The following SDC2 variants were observed in gnomAD, a reference collection of about 807,000 sequenced individuals.
SDC2 encodes the protein syndecan 2, also known as syndecan-2.
In SDC2, 13 loss-of-function variants were observed where a neutral mutation model predicts 22.2. That is an observed-to-expected ratio of 0.59 (90% confidence interval 0.38 to 0.93). SDC2 has a LOEUF of 0.93. Among genes scored for constraint, SDC2 ranks in the 40% least tolerant of loss-of-function variants. SDC2 has a pLI of 0.00. For missense variants in SDC2, 235 were observed against 246.8 expected, an observed-to-expected ratio of 0.95 and a Z score of 0.32; for synonymous variants, 94 against 92.8, an observed-to-expected ratio of 1.01 and a Z score of -0.07.
At chr8:96,497,781 G>A (rs1357786439) in intron 1 of SDC2, among the ~76,000 whole-genome samples, 1 of 152,184 alleles carries the variant, frequency 6.6e-6, no homozygotes, top group Non-Finnish European at 1.5e-5. Flanking sequence ...CATACCTGCT[G>A]GTGGGGATCC....
In SDC2 at chr8:96,608,351, A is replaced by G. The variant is rs150345503; in HGVS notation, c.323A>G (p.Asp108Gly). ...CCATACCAGTCACCTGAAGAAACTG[A>G]TAAAGAGAAAGTTCACCTCTCTGAC... ...PAQTKSPEET[D>G]KEKVHLSDSE... The change falls in exon 4 of 5, where the codon GAT becomes GGT. Residue 108 changes from aspartate to glycine, a missense_variant. Coordinates refer to ENST00000302190, the MANE Select transcript of SDC2 (RefSeq NM_002998.4). 1.1e-4 allele frequency: 170 copies of G among 1,613,362 alleles called. 1 individual carries two copies. The African/African-American group carries it at 1.8e-3, about 17-fold the overall frequency.
intron 1 of SDC2, among the ~76,000 whole-genome samples, chr8:96,519,756 C>T (rs1813465781): frequency 6.6e-6 from 1 of 152,032 alleles, no homozygotes; most frequent in Admixed American, 6.6e-5. Context: ...GTGCCTCAAC[C>T]TCCTGTAGCT....
At chr8:96,592,460 G>A (rs1052724784) in intron 1 of SDC2, among the ~76,000 whole-genome samples, 3 of 152,160 alleles carry the variant, frequency 2.0e-5, no homozygotes, top group Non-Finnish European at 4.4e-5. Flanking sequence ...AATGAGTGTT[G>A]CCTGTTTCCA....
intron 1 of SDC2, among the ~76,000 whole-genome samples, chr8:96,579,596 G>T (rs1814558130): frequency 6.6e-6 from 1 of 152,188 alleles, no homozygotes; most frequent in Non-Finnish European, 1.5e-5. Context: ...AGAGAAAATA[G>T]TATATTATCT....
chr8:96,571,786 G>A (rs1814399467), intron 1 of SDC2, among the ~76,000 whole-genome samples: 1 of 152,174 alleles, frequency 6.6e-6, no homozygotes, highest in Non-Finnish European at 1.5e-5. Flanking sequence ...ACAGTACCTT[G>A]AACATTTTCT....
chr8:96,569,969 C>A (rs181678557), intron 1 of SDC2, among the ~76,000 whole-genome samples: 1 of 152,324 alleles, frequency 6.6e-6, no homozygotes, highest in Non-Finnish European at 1.5e-5. Context: ...TCGCTTGAAG[C>A]AGTCCAGAGT....
chr8:96,541,990 C>G (rs994301796), intron 1 of SDC2, among the ~76,000 whole-genome samples: 1 of 152,190 alleles, frequency 6.6e-6, no homozygotes, highest in African/African-American at 2.4e-5. Flanking sequence ...GCATGTGATG[C>G]TGCTGGAATA....
chr8:96,599,040 C>G (rs1316672102), intron 2 of SDC2, among the ~76,000 whole-genome samples: 1 of 148,678 alleles, frequency 6.7e-6, no homozygotes, highest in African/African-American at 2.5e-5. Context: ...CTCCCAGGTT[C>G]AAGTGATTCT....
intron 1 of SDC2, chr8:96,584,832 G>C (rs1166731736): frequency 6.6e-6 from 1 of 152,222 alleles, no homozygotes; most frequent in African/African-American, 2.4e-5. Flanking sequence ...TGTAAGTCAT[G>C]AACATTTTCC....
At chr8:96,530,285 T>C (rs1370212609) in intron 1 of SDC2, among the ~76,000 whole-genome samples, 1 of 152,224 alleles carries the variant, frequency 6.6e-6, no homozygotes, top group Non-Finnish European at 1.5e-5. Flanking sequence ...TATGTTAATA[T>C]GCCATAACAT....
At chr8:96,510,126 A>C (rs1586271516) in intron 1 of SDC2, among the ~76,000 whole-genome samples, 1 of 152,348 alleles carries the variant, frequency 6.6e-6, no homozygotes, top group South Asian at 2.1e-4. Flanking sequence ...ATGTTTGGCC[A>C]GCTTATTAGA....
chr8:96,547,408 A>G (rs925901947), intron 1 of SDC2, among the ~76,000 whole-genome samples: 1 of 152,196 alleles, frequency 6.6e-6, no homozygotes, highest in African/African-American at 2.4e-5. Context: ...AAGCTCACCC[A>G]TAAACTTGGG....
chr8:96,540,779 A>C (rs1813835829), intron 1 of SDC2, among the ~76,000 whole-genome samples: 1 of 152,210 alleles, frequency 6.6e-6, no homozygotes, highest in Non-Finnish European at 1.5e-5. Context: ...AGGTTTTACC[A>C]CAGCGTTGAA....
At chr8:96,530,925 A>G (rs1322768945) in intron 1 of SDC2, among the ~76,000 whole-genome samples, 2 of 152,172 alleles carry the variant, frequency 1.3e-5, no homozygotes, top group African/African-American at 4.8e-5. Flanking sequence ...GTGTTTCCCA[A>G]CCATTTTCAC....
At chr8:96,557,810 A>G (rs1208505735) in intron 1 of SDC2, among the ~76,000 whole-genome samples, 1 of 152,190 alleles carries the variant, frequency 6.6e-6, no homozygotes, top group Non-Finnish European at 1.5e-5. Context: ...CTTCTTGCTG[A>G]ACAGTATTTT....
chr8:96,532,954 T>A (rs927615246), intron 1 of SDC2, among the ~76,000 whole-genome samples: 2 of 152,296 alleles, frequency 1.3e-5, no homozygotes, highest in East Asian at 3.9e-4. Flanking sequence ...AATTGGTGGG[T>A]TCTTGGTCTC....
intron 2 of SDC2, among the ~76,000 whole-genome samples, chr8:96,600,471 A>G (rs1403632310): frequency 6.6e-6 from 1 of 152,224 alleles, no homozygotes; most frequent in African/African-American, 2.4e-5. Flanking sequence ...GTAGAAAGTC[A>G]CTTGTTGAAC....
intron 1 of SDC2, among the ~76,000 whole-genome samples, chr8:96,591,972 A>T (rs1237991990): frequency 6.6e-6 from 1 of 152,156 alleles, no homozygotes; most frequent in Non-Finnish European, 1.5e-5. Context: ...TGGGAATTAC[A>T]ATCTGGAATG....
intron 2 of SDC2, 116 bp from the exon 3 acceptor site, chr8:96,602,279 C>A (rs1815000867): frequency 2.8e-6 from 3 of 1,074,868 alleles, no homozygotes; most frequent in Non-Finnish European, 4.1e-6. Context: ...TCTTAAAGAG[C>A]CAGCATTTTG....
Sources: allele counts gnomAD v4.1 joint callset (sites outside exome capture counted in the v4.1 genomes callset), GRCh38; gene constraint gnomAD v4.1.1; transcripts MANE v1.5; gene names NCBI Gene and HGNC (gene_info 2026-07-23, HGNC 2026-07-21).